The following NDST1 variants were observed in gnomAD, a reference collection of about 807,000 sequenced individuals.
NDST1 encodes the protein N-deacetylase and N-sulfotransferase 1, also known as bifunctional heparan sulfate N-deacetylase/N-sulfotransferase 1.
NDST1 carries 35 observed loss-of-function variants against 92.8 expected under a neutral mutation model. That is an observed-to-expected ratio of 0.38 (90% CI 0.29 to 0.50). The LOEUF (loss-of-function observed/expected upper bound fraction) is 0.50. NDST1 is among the 20% of genes least tolerant of loss of function. The probability of loss-of-function intolerance (pLI) is 0.94; values close to 1 mark genes in which losing one functional copy is unlikely to be tolerated. For missense variants in NDST1, 822 were observed against 1,182.7 expected, an observed-to-expected ratio of 0.69 and a Z score of 4.47; for synonymous variants, 493 against 500.3, an observed-to-expected ratio of 0.99 and a Z score of 0.19.
intron 1 of NDST1, among the ~76,000 whole-genome samples, chr5:150,509,075 A>C (rs1753596482): frequency 6.6e-6 from 1 of 152,114 alleles, no homozygotes; most frequent in Non-Finnish European, 1.5e-5. Context: ...GATGAGAGGA[A>C]GGGGATGACT....
At chr5:150,546,937 G>A (rs878860707) in intron 11 of NDST1, among the ~76,000 whole-genome samples, 2 of 152,202 alleles carry the variant, frequency 1.3e-5, no homozygotes, top group African/African-American at 2.4e-5. Flanking sequence ...GTGTGCCCCC[G>A]CCTCCTGGCG....
chr5:150,549,201 G>A (rs1755619031), intron 12 of NDST1, among the ~76,000 whole-genome samples: 1 of 151,632 alleles, frequency 6.6e-6, no homozygotes, highest in Non-Finnish European at 1.5e-5. Context: ...TAGTAGAGAC[G>A]GGATTTCACC....
intron 14 of NDST1, among the ~76,000 whole-genome samples, chr5:150,552,908 G>C (rs534886203): frequency 1.3e-5 from 2 of 152,144 alleles, no homozygotes. Context: ...GTGCAATCGC[G>C]TGATCTTGGC....
upstream of NDST1, among the ~76,000 whole-genome samples, chr5:150,503,431 A>C (rs1331508266): frequency 3.3e-5 from 5 of 152,184 alleles, no homozygotes; most frequent in African/African-American, 4.8e-5. Flanking sequence ...GGGCAACAAG[A>C]GTGAAATTCT....
rs1404184756 is a variant in NDST1, at chr5:150,553,517, CG to C, written c.*186del. 1 of 783,228 alleles carries C rather than the reference CG, an allele frequency of 1.3e-6. No homozygotes were observed. The highest frequency in any genetic ancestry group is 2.1e-6 in the Non-Finnish European group (1 of 469,748). The allele number at this position is 783,228 out of a possible 1,614,324, so 48.5% of individuals were successfully genotyped here. On this transcript the variant is annotated 3_prime_UTR_variant, in exon 15 of 15. Coordinates refer to ENST00000261797, the MANE Select transcript of NDST1 (RefSeq NM_001543.5). This position sits in a 1 kb window ranked among gnomAD's most constrained non-coding sequence, Gnocchi z 4.2. ...TCTGCAAGCACCTCGGAGCACCCAC[CG>C]CTGGGTCTGCGGCCTAAGGGACCTC... is the stretch of plus-strand genomic sequence containing the variant.
intron 1 of NDST1, among the ~76,000 whole-genome samples, chr5:150,498,700 G>A (rs959169714): frequency 6.6e-6 from 1 of 152,172 alleles, no homozygotes; most frequent in Non-Finnish European, 1.5e-5. Flanking sequence ...CCCCCACGGA[G>A]CTGTCGTTAG....
At chr5:150,500,966 A>T (rs568014816) in intron 1 of NDST1, among the ~76,000 whole-genome samples, 1 of 152,310 alleles carries the variant, frequency 6.6e-6, no homozygotes, top group East Asian at 1.9e-4. Flanking sequence ...TGGGACAATC[A>T]TCTGATTGTC....
At position 150,511,354 on chromosome 5, in the gene NDST1, T is replaced by C. The variant is rs373509930; in HGVS notation, c.-388+3128T>C. ...TGAAGTTGGGAGCCCCATGTTCTAG[T>C]TGCAAGAACAACTGATACCTGGTGT... On this transcript the variant is annotated intron_variant, in intron 1 of 14. Transcript: ENST00000261797. Among the ~76,000 whole-genome samples, 58 of 152,290 alleles carry C rather than the reference T, an allele frequency of 3.8e-4. 1 individual carries two copies. In the East Asian group the frequency reaches 3.9e-3, roughly 10 times the overall value.
Position 150,521,071 on chromosome 5 carries a change from C to T in NDST1, c.-184C>T. The T allele has an allele frequency of 1.6e-6, 1 of 616,842 alleles. No homozygotes were observed. The highest frequency in any genetic ancestry group is 4.4e-4 in the Middle Eastern group (1 of 2,290). The allele number at this position is 616,842 out of a possible 1,614,324, so 38.2% of individuals were successfully genotyped here. ...GAGCGTGACCAGCCTGTGGACTGCG[C>T]CCCTGGCTGGGAGGAAGGACTGGGG... On this transcript the variant is annotated 5_prime_UTR_variant, in exon 2 of 15. Transcript: ENST00000261797. The surrounding 1 kb of genome is among the most constrained non-coding windows in gnomAD (Gnocchi z 5.9).
intron 4 of NDST1, 33 bp downstream of exon 4, chr5:150,533,065 C>G (rs770092493): frequency 1.1e-5 from 18 of 1,590,772 alleles, no homozygotes. Context: ...TCACTAGCAA[C>G]TTCCAGGACT....
At chr5:150,538,856 C>T (rs1055200242) in intron 6 of NDST1, among the ~76,000 whole-genome samples, 28 of 152,168 alleles carry the variant, frequency 1.8e-4, no homozygotes, top group African/African-American at 6.3e-4. Context: ...TGTGTGACAA[C>T]GAGTGTCACC....
At chr5:150,535,188 G>T (rs991705087) in intron 5 of NDST1, 167 bp downstream of exon 5, 2 of 804,496 alleles carry the variant, frequency 2.5e-6, no homozygotes, top group African/African-American at 3.7e-5. Context: ...TCTCCTTGAA[G>T]CCCCAAGAGA....
chr5:150,548,069 G>T (rs1405839936), intron 11 of NDST1, 149 bp from the exon 12 acceptor site: 1 of 864,696 alleles, frequency 1.2e-6, no homozygotes, highest in African/African-American at 1.7e-5. Flanking sequence ...CTTGACACTG[G>T]ACACAGTGAG....
At chr5:150,513,890 G>A (rs1042837348) in intron 1 of NDST1, among the ~76,000 whole-genome samples, 1 of 152,268 alleles carries the variant, frequency 6.6e-6, no homozygotes, top group Non-Finnish European at 1.5e-5. Flanking sequence ...CTCCAGAGCA[G>A]TGGCCACGGT....
In NDST1 at chr5:150,548,198, C is replaced by T. The variant is rs1755574215; in HGVS notation, c.2146-20C>T. 6.2e-7 allele frequency: 1 copy of T among 1,614,026 alleles called. No individual in the cohort carries two copies. Among genetic ancestry groups the T allele is most frequent in the Admixed American group, 1.7e-5 (1 of 59,998 alleles). Reference sequence around the variant, plus strand: ...TTGTGTCCTCCAAGTGGCATGCTGACCCTCTTTCCTTGCCTGCAGCACCAG... The same window carrying T: ...TTGTGTCCTCCAAGTGGCATGCTGATCCTCTTTCCTTGCCTGCAGCACCAG... On this transcript the variant is annotated intron_variant, in intron 11 of 14. Transcript: ENST00000261797.
rs35747232 is a variant in NDST1 at position 150,531,500 on chromosome 5, C to CTTTTT, written c.1009-1432_1009-1428dup. ...ACAGGTTTCTTTTTTCTTTTTCTCT[C>CTTTTT]TTTTTTTTTTTTTTTTTGAGATGGA... On this transcript the variant is annotated intron_variant, in intron 3 of 14. Coordinates refer to ENST00000261797, the MANE Select transcript of NDST1 (RefSeq NM_001543.5). Among the ~76,000 whole-genome samples the CTTTTT allele has an allele frequency of 4.2e-3, 556 of 131,116 alleles. 2 individuals carry two copies. Among genetic ancestry groups the CTTTTT allele is most frequent in the African/African-American group, 0.015 (540 of 36,994 alleles). The allele number at this position is 131,116 out of a possible 152,430, so 86.0% of individuals were successfully genotyped here.
intron 1 of NDST1, among the ~76,000 whole-genome samples, chr5:150,511,927 C>T (rs1314991944): frequency 2.0e-5 from 3 of 147,014 alleles, no homozygotes. Flanking sequence ...AGCTGGGAAG[C>T]TGTGGGGTGT....
intron 10 of NDST1, among the ~76,000 whole-genome samples, chr5:150,544,382 T>C (rs989607731): frequency 1.8e-4 from 27 of 152,242 alleles, no homozygotes; most frequent in Non-Finnish European, 3.5e-4. Context: ...AATTGAGATA[T>C]TGTAAACAAA....
chr5:150,515,390 A>G (rs1753911319), intron 1 of NDST1, among the ~76,000 whole-genome samples: 2 of 152,384 alleles, frequency 1.3e-5, no homozygotes, highest in South Asian at 4.1e-4. Context: ...TGTGCAAGCC[A>G]AAGAGCACAG....
Sources: allele counts gnomAD v4.1 joint callset (sites outside exome capture counted in the v4.1 genomes callset), GRCh38; gene constraint gnomAD v4.1.1; non-coding constraint Gnocchi (gnomAD v3.1); transcripts MANE v1.5; gene names NCBI Gene and HGNC (gene_info 2026-07-23, HGNC 2026-07-21).